ADCY8: variants seen among roughly 807,000 people sequenced by gnomAD.
ADCY8 encodes adenylate cyclase 8, also known as adenylate cyclase type 8.
Under a neutral mutation model 119.7 loss-of-function variants are expected in ADCY8, and 51 were observed. The ratio of observed to expected loss-of-function variants is 0.43; its 90% CI spans 0.34 to 0.54. The LOEUF (loss-of-function observed/expected upper bound fraction) is 0.54, where lower values mean the gene tolerates loss of function less well. Ranked by LOEUF, ADCY8 falls within the 20% of genes least tolerant of loss-of-function variation. The pLI is 0.03. For missense variants in ADCY8, 1,383 were observed against 1,598.8 expected (o/e 0.87, Z 2.30); for synonymous variants, 665 against 651.0 (o/e 1.02, Z -0.33).
chr8:130,923,709 A>G (rs1261239840), intron 5 of ADCY8, among the ~76,000 whole-genome samples: 3 of 152,226 alleles, frequency 2.0e-5, no homozygotes, highest in African/African-American at 4.8e-5. Context: ...TTTTCAATCT[A>G]TGTAATAGAA....
rs1309024330 is a variant in ADCY8 at position 131,040,380 on chromosome 8, C to T, written c.-47G>A. On this transcript the variant is annotated 5_prime_UTR_variant, in exon 1 of 18. Coordinates refer to ENST00000286355, the MANE Select transcript of ADCY8 (RefSeq NM_001115.3). Reference sequence around the variant, plus strand: ...AGGCCCAGAACCTTGGGGAGGCAGCCGGAGGAGGGGTTCCTAAAGACTCAA... The same window carrying T: ...AGGCCCAGAACCTTGGGGAGGCAGCTGGAGGAGGGGTTCCTAAAGACTCAA... 2.1e-6 allele frequency: 3 copies of T among 1,438,206 alleles called. No homozygotes were observed. The highest frequency in any genetic ancestry group is 3.2e-5 in the South Asian group (2 of 62,626). 89.1% of individuals were successfully genotyped at this position (1,438,206 alleles called of 1,614,324 possible). A position where few individuals can be genotyped will look rare whatever the true frequency, so the allele number is the denominator to read the frequency against.
At chr8:130,788,638 C>G (rs1815332042) in intron 15 of ADCY8, among the ~76,000 whole-genome samples, 1 of 152,076 alleles carries the variant, frequency 6.6e-6, no homozygotes, top group Admixed American at 6.5e-5. Flanking sequence ...TTTAAATTTT[C>G]TTATCACAAA....
At position 130,780,370 on chromosome 8, in the gene ADCY8, A is replaced by AG. The variant is rs1554599524; in HGVS notation, c.*19_*20insC. The AG allele has an allele frequency of 2.0e-5, 28 of 1,404,352 alleles. No individual in the cohort carries two copies. The highest frequency in any genetic ancestry group is 2.6e-5 in the Non-Finnish European group (28 of 1,074,602). 87.0% of individuals were successfully genotyped at this position (1,404,352 alleles called of 1,614,324 possible). ...ATATATAAAAGAAATACAAAAAAAAAAAACAGAAAGAAAATGCTTTTATGG... is the reference window on the plus strand; with the variant it reads ...ATATATAAAAGAAATACAAAAAAAAAGAAACAGAAAGAAAATGCTTTTATGG... On this transcript the variant is annotated 3_prime_UTR_variant, in exon 18 of 18. Coordinates refer to ENST00000286355, the MANE Select transcript of ADCY8 (RefSeq NM_001115.3).
intron 15 of ADCY8, among the ~76,000 whole-genome samples, chr8:130,794,635 T>C (rs1815524192): frequency 6.6e-6 from 1 of 152,190 alleles, no homozygotes; most frequent in East Asian, 1.9e-4. Context: ...TTAATGATCA[T>C]AGTTATGTGC....
At chr8:130,872,685 T>A (rs923122132) in intron 8 of ADCY8, among the ~76,000 whole-genome samples, 3 of 152,172 alleles carry the variant, frequency 2.0e-5, no homozygotes, top group Non-Finnish European at 4.4e-5. Flanking sequence ...CACAATGCAA[T>A]GCAAAATAAT....
In ADCY8 at chr8:131,040,036, C is replaced by T. The variant is rs201806626; in HGVS notation, c.298G>A (p.Ala100Thr). The T allele has an allele frequency of 7.8e-5, 121 of 1,549,730 alleles. No homozygotes were observed. In the African/African-American group the frequency reaches 1.5e-3, roughly 19 times the overall value. The change falls in exon 1 of 18, where the codon GCG becomes ACG. Residue 100 changes from alanine to threonine, a missense_variant. Ala to Thr is a moderately conservative substitution (Grantham distance 58, BLOSUM62 0). Transcript: ENST00000286355. ...PLYSLGPGER[A>T]HSTCGTKVFP... ...ACTTTGGTGCCGCAGGTGCTGTGCGCTCGCTCTCCCGGGCCCAGCGAGTAG... is the reference window on the plus strand; with the variant it reads ...ACTTTGGTGCCGCAGGTGCTGTGCGTTCGCTCTCCCGGGCCCAGCGAGTAG...
At chr8:130,835,670 T>G (rs1441543981) in intron 12 of ADCY8, among the ~76,000 whole-genome samples, 2 of 152,148 alleles carry the variant, frequency 1.3e-5, no homozygotes, top group Non-Finnish European at 2.9e-5. Context: ...CCATGCATGT[T>G]CAAGTCCCTT....
intron 8 of ADCY8, among the ~76,000 whole-genome samples, chr8:130,879,467 C>A (rs1818689257): frequency 6.6e-6 from 1 of 152,138 alleles, no homozygotes; most frequent in Admixed American, 6.6e-5. Flanking sequence ...AAATGCCAGG[C>A]AGGTGCTGCT....
intron 5 of ADCY8, among the ~76,000 whole-genome samples, chr8:130,916,949 G>C (rs1820148453): frequency 6.6e-6 from 1 of 152,090 alleles, no homozygotes; most frequent in South Asian, 2.1e-4. Flanking sequence ...TAGCACCACT[G>C]GGTTAAGGTC....
chr8:130,867,926 T>G lies in ADCY8; in HGVS notation c.2130A>C (p.Glu710Asp). ...CACAGACCAAGTTTGACTTGAACAC[T>G]TCATCCCTCATTTGAGAATACTGTA... Reference protein sequence around the residue: ...LEHKYSQMRDEVFKSNLVCAF... With the variant: ...LEHKYSQMRDDVFKSNLVCAF... Residue 710 changes from glutamate (E) to aspartate (D), a missense_variant, in exon 9 of 18, where the codon GAA (glutamate) becomes GAC (aspartate). By Grantham distance (45) the Glu-to-Asp change is conservative. Around this residue, in one of 2 missense-constraint regions of ADCY8, gnomAD observed 928 missense variants for 1,163.5 expected, o/e 0.80. Coordinates refer to ENST00000286355, the MANE Select transcript of ADCY8 (RefSeq NM_001115.3). 1 of 1,610,594 alleles carries G rather than the reference T, an allele frequency of 6.2e-7. No individual in the cohort carries two copies. The highest frequency in any genetic ancestry group is 8.5e-7 in the Non-Finnish European group (1 of 1,177,960).
At chr8:130,956,646 G>A (rs987116843) in intron 2 of ADCY8, among the ~76,000 whole-genome samples, 3 of 152,188 alleles carry the variant, frequency 2.0e-5, no homozygotes, top group Middle Eastern at 3.2e-3. Flanking sequence ...CTTGTGGTAT[G>A]GTTTGGCAAA....
At chr8:131,022,942 G>A (rs1470416349) in intron 1 of ADCY8, among the ~76,000 whole-genome samples, 2 of 152,168 alleles carry the variant, frequency 1.3e-5, no homozygotes, top group Non-Finnish European at 2.9e-5. Context: ...TGACCACTCA[G>A]CATGTACAGG....
intron 4 of ADCY8, among the ~76,000 whole-genome samples, chr8:130,940,872 T>C (rs1820934791): frequency 6.6e-6 from 1 of 152,146 alleles, no homozygotes; most frequent in Admixed American, 6.5e-5. Context: ...ATACAGACAA[T>C]AGACAAAAAT....
At chr8:130,881,138 C>A (rs1268113026) in intron 8 of ADCY8, among the ~76,000 whole-genome samples, 1 of 152,146 alleles carries the variant, frequency 6.6e-6, no homozygotes, top group Admixed American at 6.6e-5. Flanking sequence ...TTGACCCATG[C>A]CTTTCGGCTC....
In ADCY8 at chr8:130,986,047, G is replaced by A; in HGVS notation, c.1110+4346C>T. Among the ~76,000 whole-genome samples the A allele has an allele frequency of 1.3e-5, 2 of 152,074 alleles. 1 individual carries two copies. Among genetic ancestry groups the A allele is most frequent in the Non-Finnish European group, 2.9e-5 (2 of 68,020 alleles). ...CATTTTAATATTTAAAATAAATATG[G>A]GCCATTTGCATCATTTGGGAGAAGC... On this transcript the variant is annotated intron_variant, in intron 2 of 17. Coordinates refer to ENST00000286355, the MANE Select transcript of ADCY8 (RefSeq NM_001115.3).
At chr8:131,038,851 G>A (rs762543047) in intron 1 of ADCY8, among the ~76,000 whole-genome samples, 1 of 152,126 alleles carries the variant, frequency 6.6e-6, no homozygotes, top group Non-Finnish European at 1.5e-5. Context: ...GACATAACAC[G>A]TACAGTACTC....
intron 15 of ADCY8, among the ~76,000 whole-genome samples, chr8:130,792,126 G>A (rs989188710): frequency 1.2e-4 from 19 of 152,138 alleles, no homozygotes; most frequent in African/African-American, 4.1e-4. Flanking sequence ...CCTCAGCCTC[G>A]CTTCTCTTGG....
At chr8:131,014,001 A>T (rs181589099) in intron 1 of ADCY8, among the ~76,000 whole-genome samples, 24 of 152,342 alleles carry the variant, frequency 1.6e-4, no homozygotes, top group Admixed American at 8.5e-4. Context: ...CAAATTGAGT[A>T]GCCCCACTCA....
intron 13 of ADCY8, among the ~76,000 whole-genome samples, chr8:130,814,549 A>T (rs544771902): frequency 6.6e-6 from 1 of 152,318 alleles, no homozygotes; most frequent in South Asian, 2.1e-4. Flanking sequence ...TCGTGGTGCT[A>T]ATCAAAATAC....
Sources: gnomAD v4.1 joint callset for allele counts (sites outside exome capture counted in the v4.1 genomes callset) on GRCh38, gnomAD v4.1.1 for gene constraint, gnomAD v4.1.1 regional missense constraint, MANE v1.5 for transcripts, NCBI Gene and HGNC (gene_info 2026-07-23, HGNC 2026-07-21) for gene names.